The following RUFY2 variants were observed in gnomAD, a reference collection of about 807,000 sequenced individuals.
RUFY2 encodes RUN and FYVE domain containing 2, also known as RUN and FYVE domain-containing protein 2.
A neutral mutation model predicts 94.4 loss-of-function variants in RUFY2; 49 were observed. That is an observed-to-expected ratio of 0.52 (90% CI 0.41 to 0.66). The LOEUF (loss-of-function observed/expected upper bound fraction) is 0.66, where lower values mean the gene tolerates loss of function less well. Among genes scored for constraint, RUFY2 ranks in the 30% least tolerant of loss-of-function variants. The pLI is 0.00. For synonymous variants in RUFY2, 255 were observed against 235.7 expected, an observed-to-expected ratio of 1.08 and a Z score of -0.75; for missense variants, 541 against 692.8, an observed-to-expected ratio of 0.78 and a Z score of 2.46.
At chr10:68,342,404 C>T, downstream of RUFY2, 1 of 183,180 alleles carries the variant, frequency 5.5e-6, no homozygotes, top group Non-Finnish European at 1.1e-5. Context: ...TAATGGTTCA[C>T]CTCTGCGTAA....
At chr10:68,406,114 C>A (rs2051274624) in intron 1 of RUFY2, among the ~76,000 whole-genome samples, 2 of 151,174 alleles carry the variant, frequency 1.3e-5, no homozygotes, top group Non-Finnish European at 2.9e-5. Flanking sequence ...TATAACATTT[C>A]ATAATCTCTG....
At chr10:68,363,270 G>C (rs1267490212) in intron 15 of RUFY2, among the ~76,000 whole-genome samples, 1 of 152,096 alleles carries the variant, frequency 6.6e-6, no homozygotes. Context: ...TCCACCTCCT[G>C]GGTTCAAGCG....
chr10:68,379,354 GTGTAGGAACTGAATAAAGAAAAA>G, intron 12 of RUFY2, 47 bp downstream of exon 12: 2 of 1,085,588 alleles, frequency 1.8e-6, no homozygotes, highest in East Asian at 2.4e-5. Context: ...TTTGTGGCAG[GTGTAGGAACTGAATAAAGAAAAA>G]GGGAAGAAGA....
chr10:68,372,671 C>T (rs1033444134), intron 13 of RUFY2, among the ~76,000 whole-genome samples: 8 of 151,384 alleles, frequency 5.3e-5, no homozygotes, highest in Non-Finnish European at 7.4e-5. Flanking sequence ...GGCCAGATCG[C>T]TTGAGCCCAG....
At chr10:68,354,878 G>A (rs1027978686) in intron 16 of RUFY2, among the ~76,000 whole-genome samples, 8 of 146,970 alleles carry the variant, frequency 5.4e-5, no homozygotes, top group African/African-American at 1.5e-4. Flanking sequence ...AAAGAGTCTC[G>A]CTCTGTTGCC....
intron 13 of RUFY2, among the ~76,000 whole-genome samples, chr10:68,370,455 T>C (rs1366738591): frequency 1.4e-5 from 2 of 146,036 alleles, no homozygotes; most frequent in South Asian, 2.1e-4. Context: ...TTTCTTTTTT[T>C]TTTTTTTTTT....
At chr10:68,349,740 G>A (rs934284179) in intron 16 of RUFY2, among the ~76,000 whole-genome samples, 6 of 151,744 alleles carry the variant, frequency 4.0e-5, no homozygotes, top group Admixed American at 2.0e-4. Context: ...GGGTTTCACC[G>A]TGTTAGCCAG....
Position 68,381,974 on chromosome 10 carries a change from A to G in RUFY2, c.940-575T>C, listed in dbSNP as rs1589909735. On this transcript the variant is annotated intron_variant, in intron 10 of 17. Coordinates refer to ENST00000602465, the MANE Select transcript of RUFY2 (RefSeq NM_001330103.2). ...TTTATGCTTCATAGATTGAATATTA[A>G]TTTTCCTTAAACAAAAGGAAATGAA... 2.0e-5 allele frequency among the ~76,000 whole-genome samples: 3 copies of G among 152,106 alleles called. No homozygotes were observed. In the South Asian group the frequency reaches 6.2e-4, roughly 31 times the overall value.
intron 16 of RUFY2, among the ~76,000 whole-genome samples, chr10:68,347,528 C>T (rs1164435777): frequency 6.6e-6 from 1 of 152,094 alleles, no homozygotes; most frequent in Non-Finnish European, 1.5e-5. Context: ...AGGTGATCCG[C>T]CCACTTCGGC....
chr10:68,407,052 C>T, intron 1 of RUFY2, 134 bp downstream of exon 1: 6 of 1,474,384 alleles, frequency 4.1e-6, no homozygotes, highest in Non-Finnish European at 5.4e-6. Context: ...GCAGTCCCCG[C>T]CCATCCTGGG....
chr10:68,369,484 C>CAAAAAAAAAAACAAAAA (rs2048098035), intron 13 of RUFY2, among the ~76,000 whole-genome samples: 1 of 135,946 alleles, frequency 7.4e-6, no homozygotes. Context: ...GACCTTGTCT[C>CAAAAAAAAAAACAAAAA]AAAAAAAAAA....
At chr10:68,378,227 G>C in intron 12 of RUFY2, 1 of 1,014,102 alleles carries the variant, frequency 9.9e-7, no homozygotes, top group South Asian at 4.6e-5. Context: ...TGCCAACACA[G>C]TATAAAACTG....
At position 68,347,867 on chromosome 10, in the gene RUFY2, C is replaced by A. The variant is rs577570256; in HGVS notation, c.1600-1783G>T. On this transcript the variant is annotated intron_variant, in intron 16 of 17. Transcript: ENST00000602465. The stretch of plus-strand genomic sequence containing the variant: ...TTTATTACCTAATGAGAGAAAAATT[C>A]TCTTAGGAAAAAAAGGCCCATAGAT... 8.4e-4 allele frequency among the ~76,000 whole-genome samples: 128 copies of A among 151,894 alleles called. 4 individuals carry two copies. In the South Asian group the frequency reaches 0.025, roughly 30 times the overall value.
intron 13 of RUFY2, among the ~76,000 whole-genome samples, chr10:68,366,884 T>TAA (rs1172378962): frequency 1.3e-4 from 19 of 144,010 alleles, no homozygotes; most frequent in Admixed American, 1.0e-3. Context: ...TATATATATA[T>TAA]AAATATATAT....
chr10:68,346,506 T>C (rs1210639764), intron 16 of RUFY2: 2 of 161,226 alleles, frequency 1.2e-5, no homozygotes, highest in Non-Finnish European at 2.7e-5. Context: ...TGCTCTTTTC[T>C]ATACAATTGT....
At chr10:68,362,433 A>C (rs901100738) in intron 15 of RUFY2, among the ~76,000 whole-genome samples, 1 of 152,210 alleles carries the variant, frequency 6.6e-6, no homozygotes, top group African/African-American at 2.4e-5. Flanking sequence ...GCTTATTCCA[A>C]ATATCTGGCA....
intron 16 of RUFY2, among the ~76,000 whole-genome samples, chr10:68,347,397 G>C (rs1005438361): frequency 6.8e-6 from 1 of 147,038 alleles, no homozygotes; most frequent in Non-Finnish European, 1.5e-5. Flanking sequence ...TGATTCTCCT[G>C]CCTCAGCTTC....
chr10:68,403,400 C>T (rs2051017014), intron 2 of RUFY2, among the ~76,000 whole-genome samples: 2 of 151,776 alleles, frequency 1.3e-5, no homozygotes, highest in Non-Finnish European at 2.9e-5. Flanking sequence ...TACAGGCGAA[C>T]ACCACCAGCC....
At chr10:68,388,551 G>A (rs545675746) in intron 7 of RUFY2, among the ~76,000 whole-genome samples, 2 of 152,214 alleles carry the variant, frequency 1.3e-5, no homozygotes, top group Non-Finnish European at 2.9e-5. Flanking sequence ...GAAAAACAAT[G>A]AAAGGCCGGG....
Sources: allele counts gnomAD v4.1 joint callset (sites outside exome capture counted in the v4.1 genomes callset), GRCh38; gene constraint gnomAD v4.1.1; transcripts MANE v1.5; gene names NCBI Gene and HGNC (gene_info 2026-07-23, HGNC 2026-07-21).